ROBO1: variants seen among roughly 807,000 people sequenced by gnomAD.
ROBO1 encodes the protein roundabout guidance receptor 1.
Under a neutral mutation model 195.9 loss-of-function variants are expected in ROBO1, and 149 were observed. The ratio of observed to expected loss-of-function variants is 0.76; its 90% CI spans 0.67 to 0.87. The LOEUF (loss-of-function observed/expected upper bound fraction) is 0.87. Among genes scored for constraint, ROBO1 ranks in the 40% least tolerant of loss-of-function variants. The pLI is 0.00. For missense variants in ROBO1, 1,933 were observed against 2,068.3 expected, an observed-to-expected ratio of 0.93 and a Z score of 1.27; for synonymous variants, 816 against 733.2, an observed-to-expected ratio of 1.11 and a Z score of -1.82.
intron 4 of ROBO1, among the ~76,000 whole-genome samples, chr3:78,914,043 CA>C (rs1055158232): frequency 1.3e-5 from 2 of 152,116 alleles, no homozygotes; most frequent in African/African-American, 4.8e-5. Context: ...AAGGGAAAAC[CA>C]ATTCAAAAGA....
At chr3:79,063,020 G>T (rs1278614866) in intron 3 of ROBO1, among the ~76,000 whole-genome samples, 1 of 151,814 alleles carries the variant, frequency 6.6e-6, no homozygotes, top group Admixed American at 6.6e-5. Flanking sequence ...ACCTTCCGTT[G>T]TCCTCTAGAT....
chr3:78,961,389 C>T (rs980698202), intron 3 of ROBO1, among the ~76,000 whole-genome samples: 3 of 152,318 alleles, frequency 2.0e-5, no homozygotes, highest in Admixed American at 2.0e-4. Flanking sequence ...GTTAGCTGCA[C>T]TGATGTGTTT....
At chr3:79,392,553 G>A (rs906959368) in intron 2 of ROBO1, among the ~76,000 whole-genome samples, 3 of 152,016 alleles carry the variant, frequency 2.0e-5, no homozygotes, top group South Asian at 2.1e-4. Context: ...CCAAACGCAG[G>A]TGGCATTATT....
intron 3 of ROBO1, among the ~76,000 whole-genome samples, chr3:78,946,910 T>C (rs955259905): frequency 5.9e-5 from 9 of 151,932 alleles, no homozygotes; most frequent in Admixed American, 5.2e-4. Context: ...CCAACAAAGA[T>C]GAAAAGAGAC....
At chr3:79,653,973 G>A (rs1946087109) in intron 1 of ROBO1, among the ~76,000 whole-genome samples, 1 of 151,882 alleles carries the variant, frequency 6.6e-6, no homozygotes, top group Admixed American at 6.6e-5. Context: ...AAAATACAAA[G>A]CCTCTCTGTT....
At chr3:78,855,728 A>G (rs1476857485) in intron 4 of ROBO1, among the ~76,000 whole-genome samples, 1 of 152,202 alleles carries the variant, frequency 6.6e-6, no homozygotes, top group Non-Finnish European at 1.5e-5. Flanking sequence ...GGTCACAGAC[A>G]AGAATAACAA....
At chr3:78,784,818 G>A (rs2108498806) in intron 4 of ROBO1, among the ~76,000 whole-genome samples, 1 of 152,030 alleles carries the variant, frequency 6.6e-6, no homozygotes. Context: ...CAACTATCAG[G>A]GTTACTAATT....
At chr3:78,999,551 G>A (rs570201647) in intron 3 of ROBO1, among the ~76,000 whole-genome samples, 1 of 152,192 alleles carries the variant, frequency 6.6e-6, no homozygotes, top group South Asian at 2.1e-4. Flanking sequence ...AGAGGGGAAA[G>A]GAAGGGAAAG....
chr3:78,726,987 C>G (rs1461063580), intron 5 of ROBO1, among the ~76,000 whole-genome samples: 1 of 152,094 alleles, frequency 6.6e-6, no homozygotes, highest in Non-Finnish European at 1.5e-5. Flanking sequence ...CCATTACTTT[C>G]CAATCTGGCT....
At position 79,073,731 on chromosome 3, in the gene ROBO1, C is replaced by T. The variant is rs921349220; in HGVS notation, c.172+51725G>A. ...TTCAAAAAGAGAGTTCGCTTTATGC[C>T]GTCTAACCTTGTCTGAACACATTTG... is the stretch of plus-strand genomic sequence containing the variant. On this transcript the variant is annotated intron_variant, in intron 3 of 30. Coordinates refer to ENST00000464233, the MANE Select transcript of ROBO1 (RefSeq NM_002941.4). Among the ~76,000 whole-genome samples the T allele has an allele frequency of 1.5e-4, 22 of 151,520 alleles. 1 individual carries two copies. The highest frequency in any genetic ancestry group is 2.9e-4 in the Non-Finnish European group (20 of 67,876).
At chr3:78,906,584 T>C (rs2037935447) in intron 4 of ROBO1, among the ~76,000 whole-genome samples, 1 of 152,140 alleles carries the variant, frequency 6.6e-6, no homozygotes, top group Non-Finnish European at 1.5e-5. Context: ...TGAGTACATG[T>C]AGTACATCAT....
chr3:79,019,119 G>A, intron 3 of ROBO1: 2 of 986,424 alleles, frequency 2.0e-6, no homozygotes, highest in Non-Finnish European at 2.4e-6. Flanking sequence ...GGATGCGGAG[G>A]GTACTGGAGA....
intron 2 of ROBO1, among the ~76,000 whole-genome samples, chr3:79,422,640 G>T (rs967395543): frequency 5.3e-5 from 8 of 152,034 alleles, no homozygotes; most frequent in Non-Finnish European, 8.8e-5. Context: ...AATAAGAATG[G>T]TCTTATGAGA....
chr3:78,884,288 T>A lies in ROBO1; in HGVS notation c.499+54313A>T, dbSNP rs574154372. Among the ~76,000 whole-genome samples, 1,007 of 152,206 alleles carry A rather than the reference T, an allele frequency of 6.6e-3. 11 individuals are homozygous for A. Among genetic ancestry groups the A allele is most frequent in the Middle Eastern group, 0.034 (10 of 294 alleles). On this transcript the variant is annotated intron_variant, in intron 4 of 30. Coordinates refer to ENST00000464233, the MANE Select transcript of ROBO1 (RefSeq NM_002941.4). ...TGGAAAATGGATTTCTGTGAGATGT[T>A]ACTAAAAGCAAGAAAGCCAGTTATC...
chr3:78,973,840 CAAT>C (rs2076828744), intron 3 of ROBO1, among the ~76,000 whole-genome samples: 1 of 151,762 alleles, frequency 6.6e-6, no homozygotes, highest in Non-Finnish European at 1.5e-5. Flanking sequence ...TTATTCTAAA[CAAT>C]AATGTCTGAG....
intron 2 of ROBO1, among the ~76,000 whole-genome samples, chr3:79,167,993 C>T (rs901635009): frequency 5.3e-5 from 8 of 152,138 alleles, no homozygotes; most frequent in Admixed American, 4.6e-4. Flanking sequence ...CTATCATCAT[C>T]ATCAGTATTA....
At chr3:79,655,754 G>T (rs1280262682) in intron 1 of ROBO1, among the ~76,000 whole-genome samples, 1 of 152,056 alleles carries the variant, frequency 6.6e-6, no homozygotes, top group African/African-American at 2.4e-5. Context: ...AAGGGAGTAT[G>T]TCTCAAAAAG....
intron 2 of ROBO1, among the ~76,000 whole-genome samples, chr3:79,296,237 T>A (rs1297430848): frequency 6.6e-6 from 1 of 152,168 alleles, no homozygotes; most frequent in East Asian, 1.9e-4. Flanking sequence ...CACAGATACG[T>A]TTATTACCTT....
intron 2 of ROBO1, among the ~76,000 whole-genome samples, chr3:79,304,854 G>A (rs1377491221): frequency 6.6e-6 from 1 of 152,076 alleles, no homozygotes; most frequent in Non-Finnish European, 1.5e-5. Context: ...TCTTTATATG[G>A]AAATATGCTT....
Sources: allele counts gnomAD v4.1 joint callset (sites outside exome capture counted in the v4.1 genomes callset), GRCh38; gene constraint gnomAD v4.1.1; transcripts MANE v1.5; gene names NCBI Gene and HGNC (gene_info 2026-07-23, HGNC 2026-07-21).